Variants in MALRD1 observed in about 807,000 individuals in gnomAD.
MALRD1 encodes the protein MAM and LDL receptor class A domain containing 1.
MALRD1 carries 247 observed loss-of-function variants against 242.1 expected under a neutral mutation model. The observed-to-expected ratio is 1.02, with a 90% confidence interval of 0.92 to 1.13. The LOEUF (loss-of-function observed/expected upper bound fraction) is 1.13. Among genes scored for constraint, MALRD1 ranks in the 50% most tolerant of loss-of-function variants. The probability of loss-of-function intolerance (pLI) is 0.00; values close to 1 mark genes in which losing one functional copy is unlikely to be tolerated. For missense variants in MALRD1, 2,989 were observed against 2,533.1 expected, an observed-to-expected ratio of 1.18 and a Z score of -3.86; for synonymous variants, 995 against 866.6, an observed-to-expected ratio of 1.15 and a Z score of -2.60.
At chr10:19,334,280 T>C (rs931612051) in intron 24 of MALRD1, among the ~76,000 whole-genome samples, 1 of 151,980 alleles carries the variant, frequency 6.6e-6, no homozygotes, top group African/African-American at 2.4e-5. Flanking sequence ...TCTTCTTGAA[T>C]TTTTATAGTT....
chr10:19,559,041 G>C (rs1266307772), intron 32 of MALRD1, among the ~76,000 whole-genome samples: 2 of 151,946 alleles, frequency 1.3e-5, no homozygotes, highest in African/African-American at 4.8e-5. Context: ...AAATTAGCCA[G>C]GCATGATGGT....
At position 19,626,294 on chromosome 10, in the gene MALRD1, A is replaced by ATTT. The variant is rs35740836; in HGVS notation, c.6137+10389_6137+10391dup. 1.1e-3 allele frequency among the ~76,000 whole-genome samples: 145 copies of ATTT among 134,292 alleles called. 1 individual carries two copies. The highest frequency in any genetic ancestry group is 4.9e-3 in the Admixed American group (64 of 13,142). 88.1% of individuals were successfully genotyped at this position (134,292 alleles called of 152,430 possible). On this transcript the variant is annotated intron_variant, in intron 36 of 39. Coordinates refer to ENST00000454679, the MANE Select transcript of MALRD1 (RefSeq NM_001142308.3). ...GAAGGCATTTTCCCTTAAAATCAAGATTTTTTTTTTTTTTTTTTTTAAGTC... is the reference window on the plus strand; with the variant it reads ...GAAGGCATTTTCCCTTAAAATCAAGATTTTTTTTTTTTTTTTTTTTTTTAAGTC...
chr10:19,537,850 A>G (rs145736010), intron 32 of MALRD1, among the ~76,000 whole-genome samples: 2 of 152,222 alleles, frequency 1.3e-5, no homozygotes, highest in African/African-American at 4.8e-5. Flanking sequence ...TAGGATTTCA[A>G]CATGTGAATC....
At chr10:19,731,740 C>T (rs1311106858) in intron 39 of MALRD1, among the ~76,000 whole-genome samples, 1 of 152,042 alleles carries the variant, frequency 6.6e-6, no homozygotes, top group South Asian at 2.1e-4. Flanking sequence ...TATGACACAC[C>T]ACTTCCGAAC....
rs1343102163 is a variant in MALRD1, at chr10:19,108,634, G to A, written c.694+4559G>A. 2.1e-4 allele frequency among the ~76,000 whole-genome samples: 6 copies of A among 28,102 alleles called. 3 individuals carry two copies. The highest frequency in any genetic ancestry group is 1.6e-3 in the Admixed American group (4 of 2,524). The allele number at this position is 28,102 out of a possible 152,430, so 18.4% of individuals were successfully genotyped here. ...GGGTTTCACCTTGTTAGCCAGGATG[G>A]TCTCGATCTCCTGACCTCATGATCC... On this transcript the variant is annotated intron_variant, in intron 5 of 39. Coordinates refer to ENST00000454679, the MANE Select transcript of MALRD1 (RefSeq NM_001142308.3).
intron 18 of MALRD1, among the ~76,000 whole-genome samples, chr10:19,232,485 C>T (rs74737332): frequency 0.011 from 1,621 of 151,888 alleles, 35 homozygotes; most frequent in African/African-American, 0.036. Context: ...GCCCAAAGTT[C>T]ATATTTTAAC....
rs1216108936 is a variant in MALRD1 at position 19,137,093 on chromosome 10, T to C, written c.1411+312T>C. On this transcript the variant is annotated intron_variant, in intron 10 of 39. Transcript: ENST00000454679. The stretch of plus-strand genomic sequence containing the variant: ...GAGAAGATGGGTGGTAGAAGGAAAC[T>C]TTTTGTACCTTTGCCTTGGAGGCAT... Among the ~76,000 whole-genome samples the C allele has an allele frequency of 2.0e-5, 3 of 152,280 alleles. No individual in the cohort carries two copies. The East Asian group carries it at 5.8e-4, about 30-fold the overall frequency.
At chr10:19,252,109 G>A (rs1271672630) in intron 18 of MALRD1, among the ~76,000 whole-genome samples, 3 of 152,000 alleles carry the variant, frequency 2.0e-5, no homozygotes, top group Non-Finnish European at 4.4e-5. Flanking sequence ...ATGTGAAAAC[G>A]AACTAATAAA....
At chr10:19,352,637 G>A (rs188698152) in intron 26 of MALRD1, among the ~76,000 whole-genome samples, 59 of 152,190 alleles carry the variant, frequency 3.9e-4, no homozygotes, top group African/African-American at 1.3e-3. Context: ...ATAAAACATA[G>A]GTAAATTGAG....
At chr10:19,163,807 A>G (rs575744749) in intron 12 of MALRD1, among the ~76,000 whole-genome samples, 3 of 152,354 alleles carry the variant, frequency 2.0e-5, no homozygotes, top group East Asian at 1.9e-4. Context: ...TGCAAATTCT[A>G]TAGAAAAAGT....
chr10:19,301,973 AAAG>A (rs374069367), intron 21 of MALRD1, among the ~76,000 whole-genome samples: 104 of 151,994 alleles, frequency 6.8e-4, no homozygotes, highest in African/African-American at 2.4e-3. Context: ...GTGTTTTTCC[AAAG>A]AAGTTATACA....
At chr10:19,729,353 A>G (rs1835179827) in intron 38 of MALRD1, among the ~76,000 whole-genome samples, 1 of 152,214 alleles carries the variant, frequency 6.6e-6, no homozygotes, top group Non-Finnish European at 1.5e-5. Flanking sequence ...TTACTGACAA[A>G]CATTAATTTT....
At chr10:19,339,565 G>A (rs1188455170) in intron 24 of MALRD1, among the ~76,000 whole-genome samples, 1 of 151,992 alleles carries the variant, frequency 6.6e-6, no homozygotes, top group Non-Finnish European at 1.5e-5. Context: ...TGCCATCCTG[G>A]CCATTGCTAC....
At chr10:19,648,225 G>T (rs780210551) in intron 36 of MALRD1, among the ~76,000 whole-genome samples, 3 of 152,152 alleles carry the variant, frequency 2.0e-5, no homozygotes, top group Non-Finnish European at 4.4e-5. Context: ...AGTCCAACAT[G>T]ACCAAATAGA....
intron 28 of MALRD1, among the ~76,000 whole-genome samples, chr10:19,425,039 T>C (rs2130926746): frequency 6.6e-6 from 1 of 152,358 alleles, no homozygotes; most frequent in East Asian, 1.9e-4. Flanking sequence ...GAATTATTTT[T>C]GGATTTGCCT....
intron 31 of MALRD1, among the ~76,000 whole-genome samples, chr10:19,503,500 C>G (rs950298732): frequency 6.6e-6 from 1 of 152,084 alleles, no homozygotes; most frequent in African/African-American, 2.4e-5. Flanking sequence ...AAACATCAGT[C>G]GACTCTCTGG....
intron 38 of MALRD1, among the ~76,000 whole-genome samples, chr10:19,694,279 G>C (rs542473220): frequency 1.3e-5 from 2 of 152,206 alleles, no homozygotes; most frequent in African/African-American, 4.8e-5. Context: ...CGCCATCAGA[G>C]TGAACAGGCA....
intron 21 of MALRD1, among the ~76,000 whole-genome samples, chr10:19,323,624 T>C (rs2130894339): frequency 6.6e-6 from 1 of 152,322 alleles, no homozygotes; most frequent in Middle Eastern, 3.4e-3. Flanking sequence ...CTTCTTCTTT[T>C]TGAGACGGAG....
chr10:19,304,353 C>T (rs1179616717), intron 21 of MALRD1, among the ~76,000 whole-genome samples: 1 of 151,424 alleles, frequency 6.6e-6, no homozygotes, highest in African/African-American at 2.4e-5. Flanking sequence ...CTCTCTCTCT[C>T]TGCCTCTCTG....
Sources: gnomAD v4.1 joint callset for allele counts (sites outside exome capture counted in the v4.1 genomes callset) on GRCh38, gnomAD v4.1.1 for gene constraint, MANE v1.5 for transcripts, NCBI Gene and HGNC (gene_info 2026-07-23, HGNC 2026-07-21) for gene names.